The following ELL2 variants were observed in gnomAD, a reference collection of about 807,000 sequenced individuals.
The protein encoded by ELL2 is elongation factor for RNA polymerase II 2, also known as RNA polymerase II elongation factor ELL2.
Under a neutral mutation model 72.8 loss-of-function variants are expected in ELL2, and 21 were observed. The ratio of observed to expected loss-of-function variants is 0.29; its 90% confidence interval spans 0.20 to 0.42. The LOEUF (loss-of-function observed/expected upper bound fraction) is 0.42. Ranked by LOEUF, ELL2 falls within the 10% of genes least tolerant of loss-of-function variation. The pLI, the probability that ELL2 is intolerant of heterozygous loss-of-function variation, is 1.00. For synonymous variants in ELL2, 266 were observed against 283.2 expected (o/e 0.94, Z 0.61); for missense variants, 568 against 772.8 (o/e 0.73, Z 3.14).
At chr5:95,946,992 T>G (rs1751183049) in intron 1 of ELL2, among the ~76,000 whole-genome samples, 1 of 152,232 alleles carries the variant, frequency 6.6e-6, no homozygotes, top group South Asian at 2.1e-4. Flanking sequence ...TTAAACCTGT[T>G]TCTAGCCAAA....
chr5:95,894,116 G>A (rs543855263), intron 9 of ELL2, among the ~76,000 whole-genome samples: 1 of 152,308 alleles, frequency 6.6e-6, no homozygotes, highest in African/African-American at 2.4e-5. Context: ...CCCAGGCGTG[G>A]TAGTGGGCGC....
chr5:95,900,992 T>A lies in ELL2; in HGVS notation c.830A>T (p.Glu277Val). ...ELQRDWPGYS[E>V]IDRRSLESVL... is the part of the protein sequence containing the mutation. The stretch of plus-strand genomic sequence containing the variant: ...TGACTCCAATGACCGTCTGTCTATT[T>A]CACTGTATCCAGGCCAGTCTCTTTG... The change falls in exon 6 of 12, where the codon GAA (glutamate) becomes GTA (valine). Residue 277 changes from glutamate (E) to valine (V), a missense_variant. By Grantham distance (121) the Glu-to-Val change is moderately radical. Transcript: ENST00000237853. 1 of 1,613,308 alleles carries A rather than the reference T, an allele frequency of 6.2e-7. No individual in the cohort carries two copies. The highest frequency in any genetic ancestry group is 8.5e-7 in the Non-Finnish European group (1 of 1,179,846).
Position 95,891,309 on chromosome 5 carries a change from C to A in ELL2, c.1590-35G>T, listed in dbSNP as rs772675418. On this transcript the variant is annotated intron_variant, in intron 9 of 11. Transcript: ENST00000237853. ...AAAAAGATAAATGGAGAGTAGCTAC[C>A]CAATAAACATGATTGCACAAGTCTG... The A allele has an allele frequency of 6.4e-6, 10 of 1,570,900 alleles. No homozygotes were observed. The African/African-American group carries it at 1.2e-4, about 19-fold the overall frequency.
intron 2 of ELL2, among the ~76,000 whole-genome samples, chr5:95,926,241 G>C (rs575567893): frequency 6.6e-6 from 1 of 151,818 alleles, no homozygotes. Context: ...TGGAGGAGTA[G>C]GAAGGGGAGG....
intron 2 of ELL2, among the ~76,000 whole-genome samples, chr5:95,923,902 C>T (rs1173657418): frequency 1.3e-5 from 2 of 152,186 alleles, no homozygotes; most frequent in Non-Finnish European, 2.9e-5. Context: ...CAAGTATACT[C>T]TTAAGAATGA....
chr5:95,961,673 G>C lies in ELL2; in HGVS notation c.49C>G (p.Leu17Val). ...TCCTGCCCCAGCCGTCCGCACGACA[G>C]CCCATAGCGCTGCTCCTCCCGCAGG... is the stretch of plus-strand genomic sequence containing the variant. ...GGLREEQRYG[L>V]SCGRLGQDNI... The change falls in exon 1 of 12, where the codon CTG (leucine) becomes GTG (valine). Residue 17 changes from leucine to valine, a missense_variant. Coordinates refer to ENST00000237853, the MANE Select transcript of ELL2 (RefSeq NM_012081.6). 6.2e-6 allele frequency: 10 copies of C among 1,607,880 alleles called. No homozygotes were observed. Among genetic ancestry groups the C allele is most frequent in the Non-Finnish European group, 8.5e-6 (10 of 1,177,848 alleles).
intron 2 of ELL2, among the ~76,000 whole-genome samples, chr5:95,929,261 A>ATTT (rs397884318): frequency 1.4e-5 from 2 of 141,094 alleles, no homozygotes; most frequent in Non-Finnish European, 3.1e-5. Context: ...GGTCTTCCTC[A>ATTT]TTTTTTTTTT....
intron 2 of ELL2, among the ~76,000 whole-genome samples, chr5:95,932,994 G>T (rs1580520892): frequency 6.6e-6 from 1 of 152,152 alleles, no homozygotes; most frequent in Non-Finnish European, 1.5e-5. Flanking sequence ...CAAGGCACTG[G>T]ATGTTACTTT....
intron 1 of ELL2, among the ~76,000 whole-genome samples, chr5:95,951,124 C>A (rs1751379155): frequency 6.6e-6 from 1 of 151,478 alleles, no homozygotes; most frequent in Non-Finnish European, 1.5e-5. Flanking sequence ...AATCCCAGCA[C>A]TTTGGGAGGC....
intron 1 of ELL2, 108 bp downstream of exon 1, chr5:95,961,467 G>A: frequency 7.7e-7 from 1 of 1,297,904 alleles, no homozygotes; most frequent in South Asian, 2.1e-5. Flanking sequence ...GGGCGCTGAC[G>A]GTAGCAGCTG....
In ELL2 at chr5:95,898,417, G is replaced by C. The variant is rs757595594; in HGVS notation, c.1348C>G (p.Pro450Ala). The stretch of plus-strand genomic sequence containing the variant: ...GACATTGAATGGTTTTCTTCCATAG[G>C]CTTTGGACACTTTAGTAGAACGGAA... ...PGSVLLKCPK[P>A]MEENHSMSHK... The change falls in exon 8 of 12, where the codon CCT becomes GCT. Residue 450 changes from proline (P) to alanine (A), a missense_variant. Pro to Ala is a conservative substitution (Grantham distance 27, BLOSUM62 -1). This residue lies in a region of ELL2 where 511 missense variants were observed against 728.4 expected (regional missense o/e 0.70). Coordinates refer to ENST00000237853, the MANE Select transcript of ELL2 (RefSeq NM_012081.6). 1.9e-6 allele frequency: 3 copies of C among 1,613,312 alleles called. No individual in the cohort carries two copies. The highest frequency in any genetic ancestry group is 2.5e-6 in the Non-Finnish European group (3 of 1,179,852).
At chr5:95,956,004 C>T (rs1413278937) in intron 1 of ELL2, among the ~76,000 whole-genome samples, 2 of 152,034 alleles carry the variant, frequency 1.3e-5, no homozygotes, top group African/African-American at 4.8e-5. Context: ...CCTAATAAGC[C>T]TTATGAACAC....
At chr5:95,906,436 A>T in intron 5 of ELL2, 87 bp downstream of exon 5, 1 of 1,401,148 alleles carries the variant, frequency 7.1e-7, no homozygotes, top group African/African-American at 1.4e-5. Context: ...TATCTCAATA[A>T]TAATGATAAT....
chr5:95,930,327 A>T (rs1750551288), intron 2 of ELL2, among the ~76,000 whole-genome samples: 1 of 152,232 alleles, frequency 6.6e-6, no homozygotes, highest in Non-Finnish European at 1.5e-5. Context: ...CTTAGAATTC[A>T]TGACTGCAGT....
At chr5:95,959,635 G>A (rs989674028) in intron 1 of ELL2, among the ~76,000 whole-genome samples, 1 of 152,126 alleles carries the variant, frequency 6.6e-6, no homozygotes, top group Non-Finnish European at 1.5e-5. Flanking sequence ...ATTGGCACAT[G>A]CAGTTTTCTA....
intron 5 of ELL2, among the ~76,000 whole-genome samples, chr5:95,906,006 A>G (rs748472327): frequency 2.9e-4 from 44 of 152,180 alleles, no homozygotes; most frequent in Non-Finnish European, 2.1e-4. Flanking sequence ...ATACATTACA[A>G]TTTCATATGC....
chr5:95,893,706 T>C (rs944774168), intron 9 of ELL2, among the ~76,000 whole-genome samples: 2 of 152,198 alleles, frequency 1.3e-5, no homozygotes, highest in African/African-American at 4.8e-5. Flanking sequence ...GGTTTTATAG[T>C]ATATCCCTTT....
chr5:95,909,414 C>T (rs989137579), intron 4 of ELL2, among the ~76,000 whole-genome samples: 2 of 152,168 alleles, frequency 1.3e-5, no homozygotes, highest in Admixed American at 1.3e-4. Flanking sequence ...TGTTCACTAC[C>T]TCCCCATCCC....
chr5:95,895,790 C>T (rs1050706575), intron 8 of ELL2, 99 bp from the exon 9 acceptor site: 1 of 943,624 alleles, frequency 1.1e-6, no homozygotes, highest in African/African-American at 1.6e-5. Context: ...GAACACTTTT[C>T]CTCAAATTCT....
Sources: allele counts gnomAD v4.1 joint callset (sites outside exome capture counted in the v4.1 genomes callset), GRCh38; gene constraint gnomAD v4.1.1; regional missense constraint gnomAD v4.1.1; transcripts MANE v1.5; gene names NCBI Gene and HGNC (gene_info 2026-07-23, HGNC 2026-07-21).